Variants in FRY observed in about 807,000 individuals in gnomAD.
FRY encodes the protein FRY microtubule binding protein.
A neutral mutation model predicts 348.4 loss-of-function variants in FRY; 128 were observed. The ratio of observed to expected loss-of-function variants is 0.37; its 90% CI spans 0.32 to 0.43. The LOEUF is 0.43. Among genes scored for constraint, FRY ranks in the 20% least tolerant of loss-of-function variants. The pLI is 1.00. For synonymous variants in FRY, 1,370 were observed against 1,374.7 expected, an observed-to-expected ratio of 1.00 and a Z score of 0.08; for missense variants, 2,736 against 3,695.2, an observed-to-expected ratio of 0.74 and a Z score of 6.73.
At chr13:32,265,668 T>A (rs767027761) in intron 54 of FRY, 52 bp downstream of exon 54, 6 of 1,524,010 alleles carry the variant, frequency 3.9e-6, no homozygotes, top group Non-Finnish European at 5.4e-6. Context: ...TGGTACATTA[T>A]ATGGCATTCA....
chr13:32,253,800 A>G (rs981334624), intron 50 of FRY, among the ~76,000 whole-genome samples: 15 of 152,170 alleles, frequency 9.9e-5, no homozygotes, highest in African/African-American at 3.1e-4. Context: ...CATTCATTCT[A>G]CAATAATATA....
At chr13:32,289,781 A>C in intron 59 of FRY, 38 bp downstream of exon 59, 1 of 1,048,740 alleles carries the variant, frequency 9.5e-7, no homozygotes, top group Non-Finnish European at 1.5e-6. Flanking sequence ...GTCCCACCAC[A>C]AAAACCATTT....
chr13:32,177,679 AT>A (rs1360094657), intron 20 of FRY, among the ~76,000 whole-genome samples: 6 of 152,168 alleles, frequency 3.9e-5, no homozygotes, highest in African/African-American at 1.4e-4. Flanking sequence ...CATAAAAGGG[AT>A]TGTGCTTAGC....
chr13:32,226,021 G>A, intron 39 of FRY, 47 bp downstream of exon 39: 1 of 1,559,652 alleles, frequency 6.4e-7, no homozygotes, highest in Non-Finnish European at 8.8e-7. Context: ...TACAAATGCA[G>A]AGATAACTAA....
chr13:32,145,526 G>GTTGT (rs1880353332), intron 11 of FRY, among the ~76,000 whole-genome samples: 1 of 91,476 alleles, frequency 1.1e-5, no homozygotes, highest in Admixed American at 1.0e-4. Flanking sequence ...TGACTGATTT[G>GTTGT]TTTTTTTTTT....
chr13:32,125,074 G>A (rs2138727371), intron 7 of FRY, among the ~76,000 whole-genome samples, 199 bp downstream of exon 7: 1 of 152,332 alleles, frequency 6.6e-6, no homozygotes, highest in African/African-American at 2.4e-5. Flanking sequence ...ACTTGGGCCA[G>A]ATCCTACCTA....
intron 3 of FRY, among the ~76,000 whole-genome samples, chr13:32,114,561 T>C (rs1015352865): frequency 9.9e-5 from 15 of 152,214 alleles, no homozygotes; most frequent in Admixed American, 6.6e-4. Context: ...CACATGAACG[T>C]TTAGTCATCA....
intron 59 of FRY, 119 bp from the exon 60 acceptor site, chr13:32,294,249 T>C (rs1016440997): frequency 7.0e-6 from 5 of 717,136 alleles, no homozygotes; most frequent in East Asian, 2.7e-5. Flanking sequence ...CCTATCTGAA[T>C]TTACCAAGGT....
chr13:32,129,289 G>A (rs1047382220), intron 7 of FRY, among the ~76,000 whole-genome samples: 51 of 152,150 alleles, frequency 3.4e-4, no homozygotes, highest in African/African-American at 1.2e-3. Context: ...GATCTCAGAA[G>A]GGTCAGGCTT....
In FRY at chr13:32,149,824, T is replaced by C; in HGVS notation, c.1469T>C (p.Leu490Pro). 1 of 1,597,604 alleles carries C rather than the reference T, an allele frequency of 6.3e-7. No homozygotes were observed. Among genetic ancestry groups the C allele is most frequent in the Non-Finnish European group, 8.6e-7 (1 of 1,164,904 alleles). Residue 490 changes from leucine (L) to proline (P), a missense_variant, in exon 14 of 61, where the codon CTC becomes CCC. Transcript: ENST00000542859. The part of the protein sequence containing the change: ...CVGKPAKAFS[L>P]NPERMNIGLR... The stretch of plus-strand genomic sequence containing the variant: ...GGAAAACCAGCAAAAGCATTCAGTC[T>C]CAACCCAGAGGTATGAATGATCCTT...
intron 55 of FRY, among the ~76,000 whole-genome samples, chr13:32,272,418 T>G (rs1359967197): frequency 2.6e-5 from 4 of 152,388 alleles, no homozygotes; most frequent in Non-Finnish European, 5.9e-5. Flanking sequence ...TATGTGAGAA[T>G]GTCATCATCA....
At chr13:32,063,090 C>T (rs1052930167) in intron 1 of FRY, among the ~76,000 whole-genome samples, 6 of 152,026 alleles carry the variant, frequency 3.9e-5, no homozygotes, top group Non-Finnish European at 8.8e-5. Context: ...TTCAAGTCAC[C>T]CTCTGCATCA....
In FRY at chr13:32,295,299, G is replaced by A. The variant is rs779543337; in HGVS notation, c.8881G>A (p.Gly2961Ser). 7 of 1,613,918 alleles carry A rather than the reference G, an allele frequency of 4.3e-6. No homozygotes were observed. Among genetic ancestry groups the A allele is most frequent in the Non-Finnish European group, 5.9e-6 (7 of 1,179,888 alleles). Residue 2961 changes from glycine (G) to serine (S), a missense_variant, in exon 61 of 61, where the codon GGT (glycine) becomes AGT (serine). By Grantham distance (56) the Gly-to-Ser change is moderately conservative. Around this residue, in one of 9 missense-constraint regions of FRY, gnomAD observed 157 missense variants for 215.2 expected, o/e 0.73. Coordinates refer to ENST00000542859, the MANE Select transcript of FRY (RefSeq NM_023037.3). Reference sequence around the variant, plus strand: ...CCGTCACCAAACTCTGGGACAGACGGGTACTTATGCCCTGGTGGGGTCTAA... The same window carrying A: ...CCGTCACCAAACTCTGGGACAGACGAGTACTTATGCCCTGGTGGGGTCTAA... ...YFRHQTLGQTGTYALVGSNQS... is the reference protein window; with the variant it reads ...YFRHQTLGQTSTYALVGSNQS...
At chr13:32,259,319 G>A (rs1887504215) in intron 51 of FRY, among the ~76,000 whole-genome samples, 1 of 152,114 alleles carries the variant, frequency 6.6e-6, no homozygotes, top group African/African-American at 2.4e-5. Flanking sequence ...CCACCACCAG[G>A]GGAACCATTT....
At chr13:32,144,046 A>G (rs554544494) in intron 11 of FRY, among the ~76,000 whole-genome samples, 19 of 152,294 alleles carry the variant, frequency 1.2e-4, no homozygotes, top group African/African-American at 4.3e-4. Flanking sequence ...TAAGTACACC[A>G]TAGGCATTTG....
chr13:32,295,262 G>C lies in FRY; in HGVS notation c.8844G>C (p.Leu2948=). Residue 2948 remains leucine, a synonymous_variant, in exon 61 of 61, where the codon CTG becomes CTC. Coordinates refer to ENST00000542859, the MANE Select transcript of FRY (RefSeq NM_023037.3). Reference sequence around the variant, plus strand: ...CTGATGATGAGGTCCAGACACTACTGAATATTTATTTCCGTCACCAAACTC... The same window carrying C: ...CTGATGATGAGGTCCAGACACTACTCAATATTTATTTCCGTCACCAAACTC... ...SSSDDEVQTL[L]NIYFRHQTLG... 6.2e-7 allele frequency: 1 copy of C among 1,613,698 alleles called. No individual in the cohort carries two copies. The highest frequency in any genetic ancestry group is 8.5e-7 in the Non-Finnish European group (1 of 1,179,644).
chr13:32,249,529 C>A lies in FRY; in HGVS notation c.7012C>A (p.Pro2338Thr). 1 of 1,614,132 alleles carries A rather than the reference C, an allele frequency of 6.2e-7. No homozygotes were observed. The highest frequency in any genetic ancestry group is 8.5e-7 in the Non-Finnish European group (1 of 1,180,014). The change falls in exon 49 of 61, where the codon CCA becomes ACA. Residue 2338 changes from proline (P) to threonine (T), a missense_variant. Pro to Thr is a conservative substitution (Grantham distance 38). Around this residue, in one of 9 missense-constraint regions of FRY, gnomAD observed 789 missense variants for 996.2 expected, o/e 0.79. Transcript: ENST00000542859. The stretch of plus-strand genomic sequence containing the variant: ...GTGCGTTTGTCTTCTTCTCAAGACT[C>A]CAATCATCGGGAGGCGGTATGATGA... ...LDFHFDISET[P>T]IIGRRYDELQ...
At chr13:32,203,246 G>A (rs1021795852) in intron 31 of FRY, among the ~76,000 whole-genome samples, 3 of 152,188 alleles carry the variant, frequency 2.0e-5, no homozygotes, top group African/African-American at 4.8e-5. Context: ...AAGTTGTTTG[G>A]TGGTTGTGAT....
intron 31 of FRY, among the ~76,000 whole-genome samples, chr13:32,207,954 G>A (rs1344073715): frequency 6.6e-6 from 1 of 152,222 alleles, no homozygotes; most frequent in Non-Finnish European, 1.5e-5. Context: ...AGAGATAGGA[G>A]ATTACATCGG....
Sources: gnomAD v4.1 joint callset for allele counts (sites outside exome capture counted in the v4.1 genomes callset) on GRCh38, gnomAD v4.1.1 for gene constraint, gnomAD v4.1.1 regional missense constraint, MANE v1.5 for transcripts, NCBI Gene and HGNC (gene_info 2026-07-23, HGNC 2026-07-21) for gene names.